The following IKBKE variants were observed in gnomAD, a reference collection of about 807,000 sequenced individuals.
The protein encoded by IKBKE is inhibitor of nuclear factor kappa B kinase subunit epsilon.
In IKBKE, 45 loss-of-function variants were observed where a neutral mutation model predicts 92.1. That is an observed-to-expected ratio of 0.49 (90% CI 0.38 to 0.63). The LOEUF (loss-of-function observed/expected upper bound fraction) is 0.63. IKBKE is among the 20% of genes least tolerant of loss of function. IKBKE has a pLI of 0.00. For missense variants in IKBKE, 700 were observed against 932.8 expected, an observed-to-expected ratio of 0.75 and a Z score of 3.25; for synonymous variants, 374 against 380.3, an observed-to-expected ratio of 0.98 and a Z score of 0.19.
chr1:206,487,939 G>A lies in IKBKE; in HGVS notation c.1642G>A (p.Asp548Asn), dbSNP rs782317105. 1.2e-6 allele frequency: 2 copies of A among 1,613,822 alleles called. No homozygotes were observed. The highest frequency in any genetic ancestry group is 1.7e-5 in the Admixed American group (1 of 60,006). Residue 548 changes from aspartate to asparagine, a missense_variant, in exon 16 of 22, where the codon GAC becomes AAC. Transcript: ENST00000581977. This position sits in a 1 kb window ranked among gnomAD's most constrained non-coding sequence, Gnocchi z 5.3. ...RSIQQIQCCL[D>N]KMNFIYKQFK... Reference sequence around the variant, plus strand: ...CATCCAGCAGATTCAGTGCTGTTTGGACAAGATGAACTTCATCTACAAACA... The same window carrying A: ...CATCCAGCAGATTCAGTGCTGTTTGAACAAGATGAACTTCATCTACAAACA...
rs41299019 is a variant in IKBKE at position 206,485,705 on chromosome 1, A to G, written c.1616+399A>G. Among the ~76,000 whole-genome samples the G allele has an allele frequency of 3.7e-3, 557 of 152,356 alleles. 1 individual carries two copies. Among genetic ancestry groups the G allele is most frequent in the Middle Eastern group, 6.8e-3 (2 of 294 alleles). On this transcript the variant is annotated intron_variant, in intron 15 of 21. Coordinates refer to ENST00000581977, the MANE Select transcript of IKBKE (RefSeq NM_014002.4). The surrounding 1 kb of genome is among the most constrained non-coding windows in gnomAD (Gnocchi z 5.0). ...GATAATGCCCTTTTTATAGAACCTC[A>G]GTCAGTGAGGTTAACTTACCCTGAG...
In IKBKE at chr1:206,474,394, G is replaced by T; in HGVS notation, c.151G>T (p.Val51Leu). The change falls in exon 4 of 22, where the codon GTG becomes TTG. Residue 51 changes from valine (V) to leucine (L), a missense_variant. Transcript: ENST00000581977. ...NTTSYLRPRE[V>L]QVREFEVLRK... Reference sequence around the variant, plus strand: ...TACCAGCTACCTGCGGCCCCGCGAGGTGCAGGTGAGGGAGTTTGAGGTCCT... The same window carrying T: ...TACCAGCTACCTGCGGCCCCGCGAGTTGCAGGTGAGGGAGTTTGAGGTCCT... 1.2e-6 allele frequency: 2 copies of T among 1,613,850 alleles called. No individual in the cohort carries two copies. The highest frequency in any genetic ancestry group is 1.7e-6 in the Non-Finnish European group (2 of 1,179,712).
chr1:206,477,989 C>T, intron 8 of IKBKE, 130 bp downstream of exon 8: 1 of 864,590 alleles, frequency 1.2e-6, no homozygotes, highest in Non-Finnish European at 1.8e-6. Context: ...ACACCACTTT[C>T]CCATCTGGTT....
At position 206,493,009 on chromosome 1, in the gene IKBKE, T is replaced by C; in HGVS notation, c.1836-14T>C. 1 of 1,557,020 alleles carries C rather than the reference T, an allele frequency of 6.4e-7. No individual in the cohort carries two copies. Among genetic ancestry groups the C allele is most frequent in the African/African-American group, 1.4e-5 (1 of 73,576 alleles). ...GTCCTGCTCTAATTCTAAGTCTCTG[T>C]GTGTTCTCTTGAGGGTGGTGCACGA... is the stretch of plus-strand genomic sequence containing the variant. On this transcript the variant is annotated splice_polypyrimidine_tract_variant and intron_variant, in intron 18 of 21. Coordinates refer to ENST00000581977, the MANE Select transcript of IKBKE (RefSeq NM_014002.4).
At chr1:206,475,040 G>A (rs781950350) in intron 5 of IKBKE, 46 bp downstream of exon 5, 10 of 1,598,442 alleles carry the variant, frequency 6.3e-6, no homozygotes, top group Middle Eastern at 1.9e-4. Context: ...CCAGCGGCAG[G>A]CCTGGGACAG....
chr1:206,488,551 T>A (rs1553389390), intron 16 of IKBKE, among the ~76,000 whole-genome samples: 1 of 151,972 alleles, frequency 6.6e-6, no homozygotes, highest in East Asian at 1.9e-4. Flanking sequence ...CCAAAGTGAC[T>A]GCCATTGTGG....
chr1:206,476,425 C>G lies in IKBKE; in HGVS notation c.540+63C>G, dbSNP rs1665067231. On this transcript the variant is annotated intron_variant, in intron 6 of 21. Coordinates refer to ENST00000581977, the MANE Select transcript of IKBKE (RefSeq NM_014002.4). This position sits in a 1 kb window ranked among gnomAD's most constrained non-coding sequence, Gnocchi z 5.1. ...GGGCTCCCCTTGCCTTGTGAGCCCC[C>G]CAGAGCCCCCATGAGGGGGTGTGGC... is the stretch of plus-strand genomic sequence containing the variant. The G allele has an allele frequency of 1.3e-6, 2 of 1,523,382 alleles. No individual in the cohort carries two copies. Among genetic ancestry groups the G allele is most frequent in the East Asian group, 2.3e-5 (1 of 44,156 alleles). The allele number at this position is 1,523,382 out of a possible 1,614,324, so 94.4% of individuals were successfully genotyped here.
chr1:206,489,369 G>GTGTGTC (rs1452670242), intron 16 of IKBKE, among the ~76,000 whole-genome samples: 1 of 119,210 alleles, frequency 8.4e-6, no homozygotes, highest in African/African-American at 3.5e-5. Flanking sequence ...GTGTGTGTGT[G>GTGTGTC]TATATATATA....
rs71152472 is a variant in IKBKE at position 206,481,766 on chromosome 1, CTTTTTTTTTTTTTTTTTT to C, written c.1427+1247_1427+1264del. 2.8e-4 allele frequency among the ~76,000 whole-genome samples: 13 copies of C among 46,558 alleles called. No individual in the cohort carries two copies. In the South Asian group the frequency reaches 0.013, roughly 45 times the overall value. 30.5% of individuals were successfully genotyped at this position (46,558 alleles called of 152,430 possible). On this transcript the variant is annotated intron_variant, in intron 13 of 21. Coordinates refer to ENST00000581977, the MANE Select transcript of IKBKE (RefSeq NM_014002.4). Reference sequence around the variant, plus strand: ...ACGGAGGCCTTCCTGAAGGATGAGGCTTTTTTTTTTTTTTTTTTTTTTTTTTTTTTTGAGACGGAGCCT... The same window carrying C: ...ACGGAGGCCTTCCTGAAGGATGAGGCTTTTTTTTTTTTTGAGACGGAGCCT...
At chr1:206,491,606 G>A (rs1490347698) in intron 17 of IKBKE, 42 bp from the exon 18 acceptor site, 2 of 1,427,940 alleles carry the variant, frequency 1.4e-6, no homozygotes, top group African/African-American at 2.8e-5. Context: ...GTGCATAGTG[G>A]TTCTGGCAGC....
At chr1:206,471,433 C>T (rs1336850720) in intron 2 of IKBKE, among the ~76,000 whole-genome samples, 188 bp downstream of exon 2, 19 of 152,254 alleles carry the variant, frequency 1.2e-4, no homozygotes, top group African/African-American at 3.9e-4. Flanking sequence ...CAGAGTTAAG[C>T]CAGATGTGCC....
chr1:206,486,905 G>T (rs1665697912), intron 15 of IKBKE, among the ~76,000 whole-genome samples: 1 of 150,826 alleles, frequency 6.6e-6, no homozygotes, highest in Non-Finnish European at 1.5e-5. Flanking sequence ...CTGAGGCCCT[G>T]TCCTTTTGGA....
intron 15 of IKBKE, among the ~76,000 whole-genome samples, chr1:206,486,443 G>A (rs1665666518): frequency 7.0e-6 from 1 of 142,452 alleles, no homozygotes. Flanking sequence ...TTGGATGAAG[G>A]CTGCGGATCC....
At chr1:206,493,210 C>T (rs1200105848) in intron 19 of IKBKE, 56 bp from the exon 20 acceptor site, 7 of 1,562,052 alleles carry the variant, frequency 4.5e-6, no homozygotes, top group Admixed American at 1.7e-5. Flanking sequence ...ACTCCCCCTA[C>T]CCAGCCACAC....
In IKBKE at chr1:206,478,922, C is replaced by T. The variant is rs369173524; in HGVS notation, c.993-21C>T. On this transcript the variant is annotated intron_variant, in intron 9 of 21. Coordinates refer to ENST00000581977, the MANE Select transcript of IKBKE (RefSeq NM_014002.4). This position sits in a 1 kb window ranked among gnomAD's most constrained non-coding sequence, Gnocchi z 4.8. ...CTACTGACACCCCCTGCCCTCTGCT[C>T]CCCACCACGGCTGTGTCTAGGATAG... is the stretch of plus-strand genomic sequence containing the variant. 7 of 1,612,528 alleles carry T rather than the reference C, an allele frequency of 4.3e-6. No homozygotes were observed. The highest frequency in any genetic ancestry group is 5.1e-6 in the Non-Finnish European group (6 of 1,178,784).
Position 206,489,369 on chromosome 1 carries a change from GTATATATATATATA to G in IKBKE, c.1693+1398_1693+1411del, listed in dbSNP as rs368827445. On this transcript the variant is annotated intron_variant, in intron 16 of 21. Coordinates refer to ENST00000581977, the MANE Select transcript of IKBKE (RefSeq NM_014002.4). ...TATGTGTGTGTGTGTGTGTGTGTGT[GTATATATATATATA>G]TATATATATATATATATACACACAC... Among the ~76,000 whole-genome samples the G allele has an allele frequency of 7.1e-3, 849 of 119,208 alleles. 15 individuals are homozygous for G. The highest frequency in any genetic ancestry group is 0.028 in the African/African-American group (799 of 28,888). 78.2% of individuals were successfully genotyped at this position (119,208 alleles called of 152,430 possible). A position where few individuals can be genotyped will look rare whatever the true frequency, so the allele number is the denominator to read the frequency against.
At position 206,474,471 on chromosome 1, in the gene IKBKE, G is replaced by C. The variant is rs782138160; in HGVS notation, c.228G>C (p.Thr76=). 6.2e-7 allele frequency: 1 copy of C among 1,612,098 alleles called. No individual in the cohort carries two copies. The highest frequency in any genetic ancestry group is 1.7e-4 in the Middle Eastern group (1 of 6,056). The change falls in exon 4 of 22, where the codon ACG becomes ACC. Residue 76 remains threonine (T), a splice_region_variant and synonymous_variant. Transcript: ENST00000581977. The part of the protein sequence containing the change: ...NIVKLFAVEE[T]GGSRQKVLVM... ...TCAAGCTCTTTGCGGTGGAGGAGAC[G>C]GTAGGTCCGGTGCTTGGTCAGAGAA...
At position 206,491,720 on chromosome 1, in the gene IKBKE, G is replaced by C; in HGVS notation, c.1806G>C (p.Ala602=). 1.9e-6 allele frequency: 3 copies of C among 1,613,328 alleles called. No individual in the cohort carries two copies. Among genetic ancestry groups the C allele is most frequent in the Non-Finnish European group, 2.5e-6 (3 of 1,179,516 alleles). ...FQEECVQKYQ[A]SLVTHGKRMR... is the part of the protein sequence containing the mutation. ...AGGAGTGCGTGCAGAAGTATCAAGCGTCCTTAGTCACACACGGCAAGAGGA... is the reference window on the plus strand; with the variant it reads ...AGGAGTGCGTGCAGAAGTATCAAGCCTCCTTAGTCACACACGGCAAGAGGA... The change falls in exon 18 of 22, where the codon GCG becomes GCC. Residue 602 remains alanine, a synonymous_variant. Transcript: ENST00000581977.
intron 12 of IKBKE, 97 bp from the exon 13 acceptor site, chr1:206,480,350 G>T: frequency 9.5e-7 from 1 of 1,055,500 alleles, no homozygotes. Context: ...GGGGGAGGCC[G>T]GCAGGAGGTG....
Sources: allele counts gnomAD v4.1 joint callset (sites outside exome capture counted in the v4.1 genomes callset), GRCh38; gene constraint gnomAD v4.1.1; non-coding constraint Gnocchi (gnomAD v3.1); transcripts MANE v1.5; gene names NCBI Gene and HGNC (gene_info 2026-07-23, HGNC 2026-07-21).